Variants in PDE4D observed in about 807,000 individuals in gnomAD.
PDE4D encodes the protein phosphodiesterase 4D, also known as 3',5'-cyclic-AMP phosphodiesterase 4D.
PDE4D carries 24 observed loss-of-function variants against 87.4 expected under a neutral mutation model. The ratio of observed to expected loss-of-function variants is 0.27; its 90% CI spans 0.20 to 0.39. The LOEUF (loss-of-function observed/expected upper bound fraction) is 0.39. Among genes scored for constraint, PDE4D ranks in the 10% least tolerant of loss-of-function variants. The pLI is 1.00. For missense variants in PDE4D, 714 were observed against 1,041.0 expected (o/e 0.69, Z 4.32); for synonymous variants, 384 against 383.2 (o/e 1.00, Z -0.02).
chr5:60,023,617 C>G (rs934746589), intron 2 of PDE4D, among the ~76,000 whole-genome samples: 1 of 152,150 alleles, frequency 6.6e-6, no homozygotes, highest in African/African-American at 2.4e-5. Context: ...CCCTTCTCTC[C>G]ACTCCTAAAA....
At chr5:59,987,634 T>C (rs2152830051) in intron 3 of PDE4D, 1 of 152,322 alleles carries the variant, frequency 6.6e-6, no homozygotes, top group African/African-American at 2.4e-5. Context: ...ATTTGTAGCA[T>C]AGTAATTGTT....
chr5:59,616,918 C>CATATATATAT (rs55821264), intron 1 of PDE4D, among the ~76,000 whole-genome samples: 1,478 of 62,810 alleles, frequency 0.024, 118 homozygotes, highest in African/African-American at 0.051. Flanking sequence ...CTAATAATTA[C>CATATATATAT]ATATATATAT....
chr5:59,626,434 C>T (rs1830912599), intron 1 of PDE4D, among the ~76,000 whole-genome samples: 1 of 152,036 alleles, frequency 6.6e-6, no homozygotes, highest in Non-Finnish European at 1.5e-5. Context: ...TATGTTGAAC[C>T]ATGCATTTCT....
chr5:60,387,736 CAGA>C (rs1762291363), intron 1 of PDE4D, among the ~76,000 whole-genome samples: 1 of 152,196 alleles, frequency 6.6e-6, no homozygotes, highest in Non-Finnish European at 1.5e-5. Context: ...GTCATCAACA[CAGA>C]AGAAGCCTTC....
At chr5:60,305,810 T>C (rs769212757) in intron 1 of PDE4D, among the ~76,000 whole-genome samples, 3 of 151,398 alleles carry the variant, frequency 2.0e-5, no homozygotes, top group South Asian at 2.1e-4. Flanking sequence ...TAAATATATA[T>C]ACATGTGTGT....
At chr5:59,287,274 C>A (rs547776095) in intron 1 of PDE4D, among the ~76,000 whole-genome samples, 4 of 152,144 alleles carry the variant, frequency 2.6e-5, no homozygotes, top group African/African-American at 9.7e-5. Context: ...AGTAGCCAGA[C>A]AGTACTTGTC....
At chr5:59,227,231 G>A (rs17443688) in intron 1 of PDE4D, among the ~76,000 whole-genome samples, 1,681 of 152,160 alleles carry the variant, frequency 0.011, 15 homozygotes, top group Non-Finnish European at 0.018. Flanking sequence ...TGTTAACAAA[G>A]TGGGGCTCAA....
intron 3 of PDE4D, among the ~76,000 whole-genome samples, chr5:59,970,528 C>T (rs1304644572): frequency 1.3e-5 from 2 of 152,204 alleles, no homozygotes; most frequent in East Asian, 1.9e-4. Context: ...ACAAACAACC[C>T]CATCAAAAAG....
intron 1 of PDE4D, among the ~76,000 whole-genome samples, chr5:60,197,026 T>TAGAC (rs750887064): frequency 1.3e-5 from 1 of 74,416 alleles, no homozygotes; most frequent in African/African-American, 6.4e-5. Context: ...GGCAGATAGA[T>TAGAC]AGATAGATAG....
Position 60,221,736 on chromosome 5 carries a change from A to C in PDE4D, c.-89-36049T>G, listed in dbSNP as rs367577369. ...ATATTATCTTTTTCTTCTTTCACTCAGAATAATATTTCTGAAATTTATTAA... is the reference window on the plus strand; with the variant it reads ...ATATTATCTTTTTCTTCTTTCACTCCGAATAATATTTCTGAAATTTATTAA... On this transcript the variant is annotated intron_variant, in intron 1 of 16. Transcript: ENST00000502484. Among the ~76,000 whole-genome samples the C allele has an allele frequency of 7.2e-5, 11 of 152,236 alleles. No homozygotes were observed. The South Asian group carries it at 1.9e-3, about 26-fold the overall frequency.
intron 1 of PDE4D, among the ~76,000 whole-genome samples, chr5:60,249,595 T>A (rs1435865237): frequency 6.6e-6 from 1 of 152,010 alleles, no homozygotes; most frequent in Non-Finnish European, 1.5e-5. Flanking sequence ...CTGTAAGAAC[T>A]CACACACTTT....
chr5:59,503,408 C>T (rs1808677159), intron 1 of PDE4D, among the ~76,000 whole-genome samples: 1 of 152,090 alleles, frequency 6.6e-6, no homozygotes, highest in East Asian at 1.9e-4. Context: ...GCAAAGGTTC[C>T]CATGACAACC....
intron 1 of PDE4D, among the ~76,000 whole-genome samples, chr5:59,710,474 C>T (rs1164794694): frequency 6.6e-6 from 1 of 152,142 alleles, no homozygotes; most frequent in Non-Finnish European, 1.5e-5. Flanking sequence ...GTCTATGGCA[C>T]TCTAATCCCT....
chr5:59,867,691 C>T (rs1747243858), intron 1 of PDE4D, among the ~76,000 whole-genome samples: 1 of 152,074 alleles, frequency 6.6e-6, no homozygotes, highest in African/African-American at 2.4e-5. Flanking sequence ...CAACAGACTC[C>T]AACAGGAGTC....
chr5:59,046,879 G>A (rs1001224326), intron 5 of PDE4D, among the ~76,000 whole-genome samples: 1 of 152,184 alleles, frequency 6.6e-6, no homozygotes, highest in Non-Finnish European at 1.5e-5. Flanking sequence ...TGACATGTGT[G>A]CAACTGTGAG....
intron 6 of PDE4D, among the ~76,000 whole-genome samples, chr5:59,029,932 G>A (rs1757019588): frequency 6.6e-6 from 1 of 151,964 alleles, no homozygotes; most frequent in African/African-American, 2.4e-5. Context: ...AACACACAAT[G>A]GAGAGAGGAC....
chr5:59,972,423 A>C (rs939787623), intron 3 of PDE4D, among the ~76,000 whole-genome samples: 8 of 152,226 alleles, frequency 5.3e-5, no homozygotes, highest in African/African-American at 1.9e-4. Flanking sequence ...CAATAATATA[A>C]GTCTAAAAAA....
chr5:59,739,705 T>C (rs976875268), intron 1 of PDE4D, among the ~76,000 whole-genome samples: 2 of 152,196 alleles, frequency 1.3e-5, no homozygotes, highest in Non-Finnish European at 2.9e-5. Context: ...GAACACGATG[T>C]CACCTTTAAA....
chr5:59,427,685 A>T (rs565076683), intron 1 of PDE4D, among the ~76,000 whole-genome samples: 24 of 152,022 alleles, frequency 1.6e-4, no homozygotes, highest in Non-Finnish European at 3.4e-4. Flanking sequence ...ACAAACAAAA[A>T]AATTAGCCTG....
Sources: allele counts gnomAD v4.1 joint callset (sites outside exome capture counted in the v4.1 genomes callset), GRCh38; gene constraint gnomAD v4.1.1; transcripts MANE v1.5; gene names NCBI Gene and HGNC (gene_info 2026-07-23, HGNC 2026-07-21).